The following TGM5 variants were observed in gnomAD, a reference collection of about 807,000 sequenced individuals.
The protein encoded by TGM5 is protein-glutamine gamma-glutamyltransferase 5.
A neutral mutation model predicts 77.2 loss-of-function variants in TGM5; 69 were observed. That is an observed-to-expected ratio of 0.89 (90% CI 0.74 to 1.09). TGM5 has a LOEUF of 1.09. Ranked by LOEUF, TGM5 falls within the 50% of genes least tolerant of loss-of-function variation. The probability of loss-of-function intolerance (pLI) is 0.00; values close to 1 mark genes in which losing one functional copy is unlikely to be tolerated. For synonymous variants in TGM5, 346 were observed against 351.8 expected, an observed-to-expected ratio of 0.98 and a Z score of 0.18; for missense variants, 842 against 896.5, an observed-to-expected ratio of 0.94 and a Z score of 0.78.
intron 6 of TGM5, among the ~76,000 whole-genome samples, chr15:43,245,759 A>G (rs1411997450): frequency 6.6e-6 from 1 of 152,178 alleles, no homozygotes; most frequent in African/African-American, 2.4e-5. Flanking sequence ...TGAAGGAGCA[A>G]AGCACAGCAT....
In TGM5 at chr15:43,235,636, G is replaced by A. The variant is rs766638818; in HGVS notation, c.1547C>T (p.Pro516Leu). The change falls in exon 10 of 13, where the codon CCG becomes CTG. Residue 516 changes from proline (P) to leucine (L), a missense_variant. Around this residue, in one of 2 missense-constraint regions of TGM5, gnomAD observed 815 missense variants for 844.6 expected, o/e 0.96. Transcript: ENST00000220420. ...GCATATATCCTGGCCCATGTTGGGCGGGTCGAGCAGCTTGAATTTCAGGGA... is the reference window on the plus strand; with the variant it reads ...GCATATATCCTGGCCCATGTTGGGCAGGTCGAGCAGCTTGAATTTCAGGGA... The part of the protein sequence containing the change: ...QVSLKFKLLD[P>L]PNMGQDICFV... 2.1e-5 allele frequency: 34 copies of A among 1,614,204 alleles called. No individual in the cohort carries two copies. Among genetic ancestry groups the A allele is most frequent in the Middle Eastern group, 1.7e-4 (1 of 6,060 alleles).
At chr15:43,247,900 AAC>A (rs1230522862) in intron 6 of TGM5, 2 of 152,204 alleles carry the variant, frequency 1.3e-5, no homozygotes, top group Non-Finnish European at 2.9e-5. Flanking sequence ...TTTTTGCGAA[AAC>A]ACATCCAACT....
intron 12 of TGM5, 49 bp from the exon 13 acceptor site, chr15:43,233,393 C>A: frequency 6.2e-7 from 1 of 1,611,556 alleles, no homozygotes; most frequent in South Asian, 1.1e-5. Context: ...ATGATAATGA[C>A]CCTGGAGCCC....
rs760940533 is a variant in TGM5 at position 43,238,955 on chromosome 15, A to G, written c.1207T>C (p.Cys403Arg). Reference sequence around the variant, plus strand: ...CCTCCCTGGACGAGCCAGGACATGCAGTCAGCATTCACCATCGAAAACACA... The same window carrying G: ...CCTCCCTGGACGAGCCAGGACATGCGGTCAGCATTCACCATCGAAAACACA... ...PFVFSMVNADCMSWLVQGGKE... is the reference protein window; with the variant it reads ...PFVFSMVNADRMSWLVQGGKE... The change falls in exon 9 of 13, where the codon TGC becomes CGC. Residue 403 changes from cysteine (C) to arginine (R), a missense_variant. Physicochemically the swap from Cys to Arg is radical, Grantham distance 180. Around this residue, in one of 2 missense-constraint regions of TGM5, gnomAD observed 815 missense variants for 844.6 expected, o/e 0.96. Coordinates refer to ENST00000220420, the MANE Select transcript of TGM5 (RefSeq NM_201631.4). 4.3e-6 allele frequency: 7 copies of G among 1,614,214 alleles called. No individual in the cohort carries two copies. Among genetic ancestry groups the G allele is most frequent in the African/African-American group, 1.3e-5 (1 of 75,046 alleles).
rs1193840021 is a variant in TGM5 at position 43,244,349 on chromosome 15, G to A, written c.863-3359C>T. 3.9e-5 allele frequency among the ~76,000 whole-genome samples: 6 copies of A among 152,324 alleles called. No homozygotes were observed. The East Asian group carries it at 1.2e-3, about 29-fold the overall frequency. ...CTCATTATATTCCTGTTAAAGTGAG[G>A]CACCTTTAACCTGTTTCTGCAGACT... is the stretch of plus-strand genomic sequence containing the variant. On this transcript the variant is annotated intron_variant, in intron 6 of 12. Transcript: ENST00000220420.
At position 43,256,668 on chromosome 15, in the gene TGM5, T is replaced by G. The variant is rs773301454; in HGVS notation, c.455A>C (p.Asp152Ala). 1 of 1,613,692 alleles carries G rather than the reference T, an allele frequency of 6.2e-7. No individual in the cohort carries two copies. Among genetic ancestry groups the G allele is most frequent in the African/African-American group, 1.3e-5 (1 of 74,874 alleles). Residue 152 changes from aspartate to alanine, a missense_variant, in exon 4 of 13, where the codon GAC becomes GCC. Physicochemically the swap from Asp to Ala is moderately radical, Grantham distance 126. This residue lies in a region of TGM5 where 815 missense variants were observed against 844.6 expected (regional missense o/e 0.96). Coordinates refer to ENST00000220420, the MANE Select transcript of TGM5 (RefSeq NM_201631.4). ...ATACTCCTGCCTCTGGGGTTCACTG[T>G]CCAAGTAGACAGCATCCTCTAGGAA... The part of the protein sequence containing the change: ...PWCPEDAVYL[D>A]SEPQRQEYVM...
At chr15:43,249,636 G>A (rs78001859) in intron 6 of TGM5, among the ~76,000 whole-genome samples, 6,470 of 152,230 alleles carry the variant, frequency 0.043, 460 homozygotes, top group African/African-American at 0.14. Context: ...GACCTCAGCC[G>A]AGGGCTGAGG....
intron 10 of TGM5, 131 bp from the exon 11 acceptor site, chr15:43,235,060 CT>C: frequency 8.6e-7 from 1 of 1,163,738 alleles, no homozygotes; most frequent in African/African-American, 1.5e-5. Context: ...CAGGTGGCAG[CT>C]TTTTAGATGA....
chr15:43,254,931 G>A (rs182736850), intron 4 of TGM5, among the ~76,000 whole-genome samples: 7 of 152,174 alleles, frequency 4.6e-5, no homozygotes, highest in Admixed American at 1.3e-4. Flanking sequence ...GTCTGAGTCC[G>A]CATTACACTG....
Position 43,266,888 on chromosome 15 carries a change from C to T in TGM5, c.-39G>A. ...GGTTCCTGGGATGCTCCCCACAGAACAGCTGGGCGGTCTGGAGCTTCAGCA... is the reference window on the plus strand; with the variant it reads ...GGTTCCTGGGATGCTCCCCACAGAATAGCTGGGCGGTCTGGAGCTTCAGCA... On this transcript the variant is annotated 5_prime_UTR_variant, in exon 1 of 13. Transcript: ENST00000220420. 6.2e-7 allele frequency: 1 copy of T among 1,613,772 alleles called. No individual in the cohort carries two copies. The highest frequency in any genetic ancestry group is 8.5e-7 in the Non-Finnish European group (1 of 1,179,976).
Position 43,253,581 on chromosome 15 carries a change from G to A in TGM5, c.609C>T (p.His203=), listed in dbSNP as rs116727392. The A allele has an allele frequency of 6.2e-7, 1 of 1,613,918 alleles. No homozygotes were observed. Among genetic ancestry groups the A allele is most frequent in the East Asian group, 2.2e-5 (1 of 44,880 alleles). The stretch of plus-strand genomic sequence containing the variant: ...AGTCTGTGGCTGGGTCAGTCTGGAA[G>A]TGCAGGCTCTTGTCTAGCAGCTTCA... ...ICLKLLDKSL[H]FQTDPATDCA... The change falls in exon 5 of 13, where the codon CAC becomes CAT. Residue 203 remains histidine (H), a synonymous_variant. Transcript: ENST00000220420.
At chr15:43,242,971 G>A (rs2042647647) in intron 6 of TGM5, among the ~76,000 whole-genome samples, 1 of 152,224 alleles carries the variant, frequency 6.6e-6, no homozygotes. Context: ...CAGGGAGGGA[G>A]AGCAGGGAGC....
intron 1 of TGM5, 89 bp downstream of exon 1, chr15:43,266,751 C>T: frequency 6.5e-7 from 1 of 1,529,626 alleles, no homozygotes. Flanking sequence ...CTTTATTTCT[C>T]TGAATCCACC....
intron 7 of TGM5, chr15:43,239,584 G>A (rs1403064614): frequency 5.0e-6 from 2 of 400,556 alleles, no homozygotes; most frequent in Non-Finnish European, 9.4e-6. Flanking sequence ...GGAGGCTGAG[G>A]TGGAGGATCA....
chr15:43,233,749 G>A (rs896587311), intron 11 of TGM5, 62 bp from the exon 12 acceptor site: 17 of 1,595,094 alleles, frequency 1.1e-5, no homozygotes, highest in African/African-American at 5.4e-5. Context: ...AGATATTTAC[G>A]AAGGGCACCA....
rs2042615132 is a variant in TGM5, at chr15:43,239,182, T to C, written c.1086A>G (p.Thr362=). Reference sequence around the variant, plus strand: ...CCTCACCGTTGCTCATCTCCTGAGGTGTGGCGTCCAGCACCTGCCAGCCTC... The same window carrying C: ...CCTCACCGTTGCTCATCTCCTGAGGCGTGGCGTCCAGCACCTGCCAGCCTC... ...AYGGWQVLDA[T]PQEMSNGVYC... Residue 362 remains threonine, a synonymous_variant, in exon 8 of 13, where the codon ACA becomes ACG. Coordinates refer to ENST00000220420, the MANE Select transcript of TGM5 (RefSeq NM_201631.4). The C allele has an allele frequency of 6.2e-7, 1 of 1,613,940 alleles. No homozygotes were observed. Among genetic ancestry groups the C allele is most frequent in the Admixed American group, 1.7e-5 (1 of 59,984 alleles).
At position 43,239,061 on chromosome 15, in the gene TGM5, A is replaced by G; in HGVS notation, c.1106-5T>C. ...CAGGGCCACAGCAGTAGACGCCTGA[A>G]GGAGAACAGGGGAGCCTCGGTGGGC... On this transcript the variant is annotated splice_region_variant and splice_polypyrimidine_tract_variant and intron_variant, in intron 8 of 12. Coordinates refer to ENST00000220420, the MANE Select transcript of TGM5 (RefSeq NM_201631.4). The G allele has an allele frequency of 1.2e-6, 2 of 1,613,454 alleles. No individual in the cohort carries two copies. Among genetic ancestry groups the G allele is most frequent in the Non-Finnish European group, 1.7e-6 (2 of 1,179,676 alleles).
chr15:43,240,329 T>C (rs2042625517), intron 7 of TGM5, among the ~76,000 whole-genome samples: 1 of 152,190 alleles, frequency 6.6e-6, no homozygotes, highest in South Asian at 2.1e-4. Context: ...CATTAGGTCA[T>C]ACCATTTGTC....
chr15:43,239,348 G>A, intron 7 of TGM5, 82 bp from the exon 8 acceptor site: 2 of 1,415,622 alleles, frequency 1.4e-6, no homozygotes, highest in African/African-American at 1.4e-5. Context: ...CAAATGAACT[G>A]TTGGATAGAA....
Sources: allele counts gnomAD v4.1 joint callset (sites outside exome capture counted in the v4.1 genomes callset), GRCh38; gene constraint gnomAD v4.1.1; regional missense constraint gnomAD v4.1.1; transcripts MANE v1.5; gene names NCBI Gene and HGNC (gene_info 2026-07-23, HGNC 2026-07-21).